PEX1: variants seen among roughly 807,000 people sequenced by gnomAD.
The protein encoded by PEX1 is peroxisomal biogenesis factor 1, also known as peroxisomal ATPase PEX1.
A neutral mutation model predicts 152.5 loss-of-function variants in PEX1; 97 were observed. The ratio of observed to expected loss-of-function variants is 0.64; its 90% confidence interval spans 0.54 to 0.75. PEX1 has a LOEUF of 0.75. PEX1 is among the 30% of genes least tolerant of loss of function. PEX1 has a pLI of 0.00. For missense variants in PEX1, 1,357 were observed against 1,516.3 expected (o/e 0.89, Z 1.74); for synonymous variants, 485 against 531.6 (o/e 0.91, Z 1.21).
At chr7:92,504,968 T>A in intron 11 of PEX1, 66 bp from the exon 12 acceptor site, 1 of 1,214,206 alleles carries the variant, frequency 8.2e-7, no homozygotes, top group East Asian at 2.3e-5. Flanking sequence ...AGGTTGTCCT[T>A]TTGAAAGCAC....
At chr7:92,487,625 A>G (rs1298549887) in intron 23 of PEX1, 84 bp from the exon 24 acceptor site, 1 of 603,612 alleles carries the variant, frequency 1.7e-6, no homozygotes, top group Non-Finnish European at 2.9e-6. Context: ...AAACACAATT[A>G]TATTTTAAGA....
At chr7:92,505,104 A>G (rs1283448153) in intron 11 of PEX1, among the ~76,000 whole-genome samples, 1 of 152,166 alleles carries the variant, frequency 6.6e-6, no homozygotes, top group African/African-American at 2.4e-5. Context: ...GTAAAGTATC[A>G]AATTTTATAA....
At chr7:92,487,568 A>G (rs373360561) in intron 23 of PEX1, 27 bp from the exon 24 acceptor site, 400 of 1,056,464 alleles carry the variant, frequency 3.8e-4, no homozygotes, top group Non-Finnish European at 1.0e-5. Flanking sequence ...ATAATTTAAT[A>G]TGTATAAATA....
At chr7:92,494,887 C>A (rs1478203814) in intron 17 of PEX1, among the ~76,000 whole-genome samples, 1 of 151,698 alleles carries the variant, frequency 6.6e-6, no homozygotes, top group African/African-American at 2.4e-5. Flanking sequence ...TATGAAATTA[C>A]CCTTGTATTC....
Position 92,492,232 on chromosome 7 carries a change from G to A in PEX1, c.3207+721C>T, listed in dbSNP as rs117287631. Among the ~76,000 whole-genome samples the A allele has an allele frequency of 7.2e-3, 1,089 of 152,170 alleles. 8 individuals carry two copies. Among genetic ancestry groups the A allele is most frequent in the Non-Finnish European group, 9.9e-3 (674 of 67,994 alleles). ...CACAAGCATGGCTCACTGCATCCTG[G>A]ATTTACTCAAGCGATCCTCCTGCCA... is the stretch of plus-strand genomic sequence containing the variant. On this transcript the variant is annotated intron_variant, in intron 20 of 23. Coordinates refer to ENST00000248633, the MANE Select transcript of PEX1 (RefSeq NM_000466.3).
At chr7:92,526,336 T>C (rs960491799) in intron 1 of PEX1, among the ~76,000 whole-genome samples, 2 of 152,208 alleles carry the variant, frequency 1.3e-5, no homozygotes, top group Non-Finnish European at 2.9e-5. Context: ...AGCTTCAAGG[T>C]AAGTCTGACA....
chr7:92,490,253 G>A (rs566442373), intron 21 of PEX1: 1 of 273,794 alleles, frequency 3.7e-6, no homozygotes. Flanking sequence ...TTTCTAAATA[G>A]AATAAATTAA....
chr7:92,507,215 GTAGTTAATTAA>G, intron 9 of PEX1, 89 bp from the exon 10 acceptor site: 1 of 1,052,430 alleles, frequency 9.5e-7, no homozygotes, highest in South Asian at 1.5e-5. Flanking sequence ...CCTTCCCAGT[GTAGTTAATTAA>G]TTTAATTTAA....
At chr7:92,499,985 A>ATTGT in intron 15 of PEX1, 147 bp from the exon 16 acceptor site, 1 of 660,710 alleles carries the variant, frequency 1.5e-6, no homozygotes, top group Non-Finnish European at 2.6e-6. Context: ...AACAGTAGAA[A>ATTGT]ATACAATTCC....
At chr7:92,501,323 AAATT>A (rs1299392962) in intron 15 of PEX1, among the ~76,000 whole-genome samples, 180 bp downstream of exon 15, 3 of 152,018 alleles carry the variant, frequency 2.0e-5, no homozygotes, top group African/African-American at 4.8e-5. Context: ...TTCTAATAAA[AAATT>A]AATTAATAAA....
At chr7:92,520,061 A>G (rs1792983247) in intron 2 of PEX1, among the ~76,000 whole-genome samples, 2 of 152,024 alleles carry the variant, frequency 1.3e-5, no homozygotes, top group South Asian at 4.2e-4. Flanking sequence ...GAAGCTAGAG[A>G]CTCAGTTTCT....
At chr7:92,488,878 C>T (rs1382929808) in intron 23 of PEX1, among the ~76,000 whole-genome samples, 4 of 152,120 alleles carry the variant, frequency 2.6e-5, no homozygotes, top group Non-Finnish European at 4.4e-5. Flanking sequence ...GGACTACAGG[C>T]ACATGCCACC....
At chr7:92,519,248 G>T (rs1393746835) in intron 2 of PEX1, among the ~76,000 whole-genome samples, 170 bp from the exon 3 acceptor site, 1 of 152,050 alleles carries the variant, frequency 6.6e-6, no homozygotes, top group African/African-American at 2.4e-5. Context: ...TTTGAGAGAT[G>T]GGGCCTGGCT....
At chr7:92,520,870 T>C (rs1316871340) in intron 2 of PEX1, among the ~76,000 whole-genome samples, 2 of 152,240 alleles carry the variant, frequency 1.3e-5, no homozygotes, top group Non-Finnish European at 1.5e-5. Context: ...CTTCCAATCC[T>C]AAAGGTCTAC....
Position 92,489,438 on chromosome 7 carries a change from G to T in PEX1, c.3637-15C>A. Reference sequence around the variant, plus strand: ...GATTCGTCCTCCTTAAGTAAAAAAAGAAATTGACGAAGAGTTAAATTAAGG... The same window carrying T: ...GATTCGTCCTCCTTAAGTAAAAAAATAAATTGACGAAGAGTTAAATTAAGG... On this transcript the variant is annotated splice_polypyrimidine_tract_variant and intron_variant, in intron 22 of 23. Transcript: ENST00000248633. 1 of 1,608,816 alleles carries T rather than the reference G, an allele frequency of 6.2e-7. No homozygotes were observed. Among genetic ancestry groups the T allele is most frequent in the South Asian group, 1.1e-5 (1 of 90,706 alleles).
chr7:92,493,116 T>G lies in PEX1; in HGVS notation c.3044A>C (p.Glu1015Ala), dbSNP rs185181696. The part of the protein sequence containing the change: ...CPPPDQVSRL[E>A]ILNVLSDSLP... ...AGAGTCACTGAGGACATTTAAAATTTCAAGACGTGACACCTGAAAGGAGAA... is the reference window on the plus strand; with the variant it reads ...AGAGTCACTGAGGACATTTAAAATTGCAAGACGTGACACCTGAAAGGAGAA... The change falls in exon 20 of 24, where the codon GAA (glutamate) becomes GCA (alanine). Residue 1015 changes from glutamate (E) to alanine (A), a missense_variant. By Grantham distance (107) the Glu-to-Ala change is moderately radical. Transcript: ENST00000248633. 61 of 1,600,868 alleles carry G rather than the reference T, an allele frequency of 3.8e-5. No homozygotes were observed. In the African/African-American group the frequency reaches 8.0e-4, roughly 21 times the overall value.
intron 20 of PEX1, among the ~76,000 whole-genome samples, chr7:92,491,898 G>A (rs1005433452): frequency 3.9e-5 from 6 of 152,146 alleles, no homozygotes; most frequent in African/African-American, 9.7e-5. Flanking sequence ...AAGGGAGAGG[G>A]AAGAACTTCA....
At position 92,487,950 on chromosome 7, in the gene PEX1, TA is replaced by T. The variant is rs201611919; in HGVS notation, c.3768-410del. Among the ~76,000 whole-genome samples the T allele has an allele frequency of 5.3e-5, 8 of 152,246 alleles. No homozygotes were observed. The East Asian group carries it at 1.5e-3, about 29-fold the overall frequency. On this transcript the variant is annotated intron_variant, in intron 23 of 23. Coordinates refer to ENST00000248633, the MANE Select transcript of PEX1 (RefSeq NM_000466.3). ...ATTTGGCAATACATTTCAAAAGCCT[TA>T]AAAAATGTGAGCTCCCTGTTATACA...
chr7:92,528,308 T>G lies in PEX1; in HGVS notation c.128A>C (p.Gln43Pro). 1.3e-6 allele frequency: 2 copies of G among 1,557,768 alleles called. No homozygotes were observed. Among genetic ancestry groups the G allele is most frequent in the Non-Finnish European group, 1.7e-6 (2 of 1,152,750 alleles). The change falls in exon 1 of 24, where the codon CAG becomes CCG. Residue 43 changes from glutamine to proline, a missense_variant and splice_region_variant. Transcript: ENST00000248633. Reference sequence around the variant, plus strand: ...GGTGGCTCGGGGCCGGCAGGTTACCTGCAGCAGATGCAGCTGGGCCACGAG... The same window carrying G: ...GGTGGCTCGGGGCCGGCAGGTTACCGGCAGCAGATGCAGCTGGGCCACGAG... ...RRLVAQLHLL[Q>P]NQAIEVVWSH...
Sources: allele counts gnomAD v4.1 joint callset (sites outside exome capture counted in the v4.1 genomes callset), GRCh38; gene constraint gnomAD v4.1.1; transcripts MANE v1.5; gene names NCBI Gene and HGNC (gene_info 2026-07-23, HGNC 2026-07-21).